Variants in GABBR2 observed in about 807,000 individuals in gnomAD.
GABBR2 encodes gamma-aminobutyric acid type B receptor subunit 2.
In GABBR2, 23 loss-of-function variants were observed where a neutral mutation model predicts 105.6. The ratio of observed to expected loss-of-function variants is 0.22; its 90% CI spans 0.16 to 0.31. The LOEUF (loss-of-function observed/expected upper bound fraction) is 0.31. Among genes scored for constraint, GABBR2 ranks in the 10% least tolerant of loss-of-function variants. The pLI is 1.00. For missense variants in GABBR2, 734 were observed against 1,245.5 expected, an observed-to-expected ratio of 0.59 and a Z score of 6.18; for synonymous variants, 478 against 499.7, an observed-to-expected ratio of 0.96 and a Z score of 0.58.
chr9:98,495,109 C>T (rs1433608858), intron 4 of GABBR2, among the ~76,000 whole-genome samples: 1 of 152,178 alleles, frequency 6.6e-6, no homozygotes, highest in Admixed American at 6.5e-5. Context: ...GCTCCAGCCA[C>T]CTGGGCTGTC....
chr9:98,380,200 C>T (rs748480279), intron 11 of GABBR2, among the ~76,000 whole-genome samples: 44 of 152,176 alleles, frequency 2.9e-4, no homozygotes, highest in Non-Finnish European at 2.9e-4. Flanking sequence ...TGAAAGCTGG[C>T]CTTGGTGACT....
At chr9:98,544,012 C>A (rs1260759494) in intron 2 of GABBR2, among the ~76,000 whole-genome samples, 1 of 151,862 alleles carries the variant, frequency 6.6e-6, no homozygotes, top group Non-Finnish European at 1.5e-5. Flanking sequence ...TGTCTGTCCT[C>A]CCTCCTTCCC....
intron 1 of GABBR2, among the ~76,000 whole-genome samples, chr9:98,610,767 C>T (rs1372000140): frequency 2.0e-5 from 3 of 151,680 alleles, no homozygotes; most frequent in Admixed American, 6.6e-5. Context: ...GACTTCTGGC[C>T]TCTAGGACTG....
chr9:98,295,221 G>A (rs1404218783), intron 17 of GABBR2, among the ~76,000 whole-genome samples: 1 of 152,248 alleles, frequency 6.6e-6, no homozygotes, highest in Non-Finnish European at 1.5e-5. Flanking sequence ...TGATGCACGT[G>A]TTCCCAGCTG....
intron 1 of GABBR2, among the ~76,000 whole-genome samples, chr9:98,598,935 T>C (rs770953815): frequency 6.6e-6 from 1 of 152,184 alleles, no homozygotes; most frequent in Admixed American, 6.5e-5. Flanking sequence ...AAGCCTCTTA[T>C]AGACATAAAT....
chr9:98,700,283 C>G (rs1794146850), intron 1 of GABBR2, among the ~76,000 whole-genome samples: 1 of 152,162 alleles, frequency 6.6e-6, no homozygotes, highest in Non-Finnish European at 1.5e-5. Flanking sequence ...AGGCCCCACC[C>G]TCCTTTAAAG....
intron 1 of GABBR2, among the ~76,000 whole-genome samples, chr9:98,579,876 C>T (rs1267155317): frequency 6.6e-6 from 1 of 152,144 alleles, no homozygotes; most frequent in Non-Finnish European, 1.5e-5. Context: ...TAGAGGATTG[C>T]AAAATGTTTA....
intron 1 of GABBR2, among the ~76,000 whole-genome samples, chr9:98,697,348 G>C (rs1162211079): frequency 6.6e-6 from 1 of 152,266 alleles, no homozygotes; most frequent in African/African-American, 2.4e-5. Flanking sequence ...AAAATTAGCC[G>C]GGCGTGGTGG....
chr9:98,457,207 C>T (rs1056809103), intron 6 of GABBR2, among the ~76,000 whole-genome samples: 2 of 152,196 alleles, frequency 1.3e-5, no homozygotes, highest in Admixed American at 1.3e-4. Context: ...CAATGGCATT[C>T]GAGGGTTGGT....
intron 3 of GABBR2, among the ~76,000 whole-genome samples, chr9:98,538,983 G>C (rs905187914): frequency 6.6e-6 from 1 of 152,196 alleles, no homozygotes; most frequent in African/African-American, 2.4e-5. Flanking sequence ...CGGGAAAAAA[G>C]GTTTCCCACT....
intron 1 of GABBR2, among the ~76,000 whole-genome samples, chr9:98,686,492 T>A (rs1412290363): frequency 1.1e-4 from 17 of 152,220 alleles, no homozygotes; most frequent in African/African-American, 3.9e-4. Context: ...CGCCTCCCAG[T>A]TCAAGTGATT....
At position 98,498,769 on chromosome 9, in the gene GABBR2, G is replaced by A. The variant is rs114610454; in HGVS notation, c.631-2255C>T. On this transcript the variant is annotated intron_variant, in intron 3 of 18. Transcript: ENST00000259455. ...GAAGATTGGTAACTAGTCAATGGGGGGAAAAAGTTAACTTTTCCATTAGAG... is the reference window on the plus strand; with the variant it reads ...GAAGATTGGTAACTAGTCAATGGGGAGAAAAAGTTAACTTTTCCATTAGAG... Among the ~76,000 whole-genome samples, 502 of 152,238 alleles carry A rather than the reference G, an allele frequency of 3.3e-3. 3 individuals are homozygous for A. Among genetic ancestry groups the A allele is most frequent in the African/African-American group, 0.011 (477 of 41,558 alleles).
At chr9:98,536,958 G>C (rs1828193171) in intron 3 of GABBR2, among the ~76,000 whole-genome samples, 1 of 152,182 alleles carries the variant, frequency 6.6e-6, no homozygotes. Context: ...AGGCCACCAG[G>C]TAGAATGGGG....
chr9:98,549,627 A>G (rs563309387), intron 2 of GABBR2, among the ~76,000 whole-genome samples: 78 of 152,338 alleles, frequency 5.1e-4, no homozygotes, highest in East Asian at 1.9e-4. Flanking sequence ...AAGACTGCCC[A>G]GCTCATCCCA....
intron 9 of GABBR2, among the ~76,000 whole-genome samples, chr9:98,390,557 G>C (rs760301916): frequency 2.6e-5 from 4 of 151,882 alleles, no homozygotes; most frequent in African/African-American, 9.7e-5. Context: ...AAGAAAAGTG[G>C]CATCAAGGGC....
chr9:98,455,784 T>G (rs1042454072), intron 6 of GABBR2, among the ~76,000 whole-genome samples: 7 of 152,082 alleles, frequency 4.6e-5, no homozygotes, highest in African/African-American at 1.7e-4. Context: ...TCTTGTGGGG[T>G]CACCCACACA....
At chr9:98,481,643 C>T (rs956254750) in intron 4 of GABBR2, among the ~76,000 whole-genome samples, 1 of 152,220 alleles carries the variant, frequency 6.6e-6, no homozygotes, top group African/African-American at 2.4e-5. Context: ...TTTTCCATCT[C>T]AGCCCCAGTT....
intron 13 of GABBR2, among the ~76,000 whole-genome samples, chr9:98,313,534 A>G (rs1034599263): frequency 6.6e-6 from 1 of 152,250 alleles, no homozygotes; most frequent in Non-Finnish European, 1.5e-5. Context: ...GTTCAGTCCT[A>G]CATTAGACAC....
intron 7 of GABBR2, among the ~76,000 whole-genome samples, chr9:98,449,095 G>C (rs933322958): frequency 6.6e-6 from 1 of 152,226 alleles, no homozygotes; most frequent in Non-Finnish European, 1.5e-5. Context: ...ACACTGACGT[G>C]TTGAGCGTTG....
Sources: allele counts gnomAD v4.1 joint callset (sites outside exome capture counted in the v4.1 genomes callset), GRCh38; gene constraint gnomAD v4.1.1; transcripts MANE v1.5; gene names NCBI Gene and HGNC (gene_info 2026-07-23, HGNC 2026-07-21).